The following CAPN11 variants were observed in gnomAD, a reference collection of about 807,000 sequenced individuals.
CAPN11 encodes the protein calpain 11.
In CAPN11, 108 loss-of-function variants were observed where a neutral mutation model predicts 105.3. The observed-to-expected ratio is 1.03, with a 90% CI of 0.88 to 1.20. The LOEUF (loss-of-function observed/expected upper bound fraction) is 1.20, where lower values mean the gene tolerates loss of function less well. Among genes scored for constraint, CAPN11 ranks in the 50% most tolerant of loss-of-function variants. The pLI is 0.00. For missense variants in CAPN11, 883 were observed against 924.8 expected, an observed-to-expected ratio of 0.95 and a Z score of 0.59; for synonymous variants, 329 against 344.5, an observed-to-expected ratio of 0.96 and a Z score of 0.50.
Position 44,177,821 on chromosome 6 carries a change from C to T in CAPN11, c.1416+401C>T, listed in dbSNP as rs1189756070. On this transcript the variant is annotated intron_variant, in intron 12 of 22. Coordinates refer to ENST00000398776, the MANE Select transcript of CAPN11 (RefSeq NM_007058.4). ...CACTCCTTTCTCCCCAGGGCCACTT[C>T]CTGCCTGGGAGAGGGACAGGCTCCA... 2.0e-5 allele frequency among the ~76,000 whole-genome samples: 3 copies of T among 152,094 alleles called. No individual in the cohort carries two copies. The East Asian group carries it at 5.8e-4, about 29-fold the overall frequency.
intron 12 of CAPN11, 79 bp from the exon 13 acceptor site, chr6:44,179,540 C>T: frequency 8.0e-7 from 1 of 1,251,998 alleles, no homozygotes; most frequent in South Asian, 1.2e-5. Flanking sequence ...ACACACTATA[C>T]ACATCCCACT....
At position 44,173,215 on chromosome 6, in the gene CAPN11, C is replaced by A; in HGVS notation, c.663-3C>A. 3.1e-6 allele frequency: 5 copies of A among 1,613,736 alleles called. No individual in the cohort carries two copies. The highest frequency in any genetic ancestry group is 4.2e-6 in the Non-Finnish European group (5 of 1,179,730). ...CCCAACAGTGCCTTCTCTGTGCCCA[C>A]AGGCTGAGTGGGTCCTATGAAGCAT... is the stretch of plus-strand genomic sequence containing the variant. On this transcript the variant is annotated splice_region_variant and splice_polypyrimidine_tract_variant and intron_variant, in intron 6 of 22. Transcript: ENST00000398776.
At chr6:44,176,214 C>CCGGAGGAGAACGTCTCCCTGAA in intron 8 of CAPN11, 39 bp from the exon 9 acceptor site, 2 of 1,606,532 alleles carry the variant, frequency 1.2e-6, no homozygotes, top group Non-Finnish European at 1.7e-6. Context: ...GTCTCCCTGA[C>CCGGAGGAGAACGTCTCCCTGAA]CCCATAACTC....
intron 12 of CAPN11, 85 bp downstream of exon 12, chr6:44,177,505 C>G: frequency 1.6e-6 from 2 of 1,235,168 alleles, no homozygotes; most frequent in Non-Finnish European, 2.2e-6. Context: ...TTTTTTTTTT[C>G]GAGACAGAGT....
intron 8 of CAPN11, 46 bp downstream of exon 8, chr6:44,176,197 G>A: frequency 6.2e-7 from 1 of 1,606,862 alleles, no homozygotes. Context: ...CTGAGAAGGA[G>A]GAGAACGTCT....
Position 44,182,968 on chromosome 6 carries a change from C to A in CAPN11, c.1966C>A (p.His656Asn). 6.2e-7 allele frequency: 1 copy of A among 1,610,982 alleles called. No individual in the cohort carries two copies. The highest frequency in any genetic ancestry group is 8.5e-7 in the Non-Finnish European group (1 of 1,178,446). The change falls in exon 20 of 23, where the codon CAT becomes AAT. Residue 656 changes from histidine to asparagine, a missense_variant. Physicochemically the swap from His to Asn is moderately conservative, Grantham distance 68 (BLOSUM62 1). Transcript: ENST00000398776. ...CATCTTCAGAGAGTGTGACCAGGAC[C>A]ATTCAGGCACCTTGAACTCCTATGA... ...MDIFRECDQDHSGTLNSYEMR... is the reference protein window; with the variant it reads ...MDIFRECDQDNSGTLNSYEMR...
chr6:44,172,558 C>A, intron 5 of CAPN11, 138 bp downstream of exon 5: 2 of 603,406 alleles, frequency 3.3e-6, no homozygotes, highest in Admixed American at 3.2e-5. Context: ...AGAGAAATAT[C>A]TGCCCACCAA....
intron 12 of CAPN11, 55 bp downstream of exon 12, chr6:44,177,475 C>CCTTT (rs374294570): frequency 0.21 from 261,572 of 1,240,104 alleles, 18,397 homozygotes; most frequent in Non-Finnish European, 0.24. Flanking sequence ...TGACCTCACT[C>CCTTT]CTTTCTTTCT....
rs751008058 is a variant in CAPN11 at position 44,176,804 on chromosome 6, G to A, written c.1077-34G>A. On this transcript the variant is annotated intron_variant, in intron 10 of 22. Transcript: ENST00000398776. ...GAGAGGGAACTGAGGATGCAAGTGT[G>A]CTGCTGACGGGCTCCACCCCCACCC... 7 of 1,611,568 alleles carry A rather than the reference G, an allele frequency of 4.3e-6. No homozygotes were observed. The South Asian group carries it at 7.7e-5, about 18-fold the overall frequency.
chr6:44,179,894 G>T (rs535658763), intron 13 of CAPN11, 58 bp from the exon 14 acceptor site: 1 of 1,376,944 alleles, frequency 7.3e-7, no homozygotes, highest in African/African-American at 1.4e-5. Flanking sequence ...CACCCTGGGG[G>T]ACCCTCCCTC....
chr6:44,167,296 C>G (rs566721770), intron 2 of CAPN11, among the ~76,000 whole-genome samples: 1 of 151,526 alleles, frequency 6.6e-6, no homozygotes, highest in Admixed American at 6.6e-5. Context: ...TTCGGGAGTT[C>G]GAGACCAGCC....
chr6:44,161,513 C>T (rs192022182), intron 1 of CAPN11, among the ~76,000 whole-genome samples: 3 of 152,302 alleles, frequency 2.0e-5, no homozygotes, highest in Non-Finnish European at 4.4e-5. Flanking sequence ...AGACATTTTC[C>T]ATGACAACTG....
At position 44,177,273 on chromosome 6, in the gene CAPN11, C is replaced by G; in HGVS notation, c.1269C>G (p.Ile423Met). ...TCTGGACCAACCCCCAGTTTAAGAT[C>G]TCTCTTCCTGAGGGGGATGACCCAG... ...GTFWTNPQFK[I>M]SLPEGDDPED... The change falls in exon 12 of 23, where the codon ATC becomes ATG. Residue 423 changes from isoleucine (I) to methionine (M), a missense_variant. By Grantham distance (10) the Ile-to-Met change is conservative. Transcript: ENST00000398776. 1.9e-6 allele frequency: 3 copies of G among 1,606,186 alleles called. No homozygotes were observed. Among genetic ancestry groups the G allele is most frequent in the Non-Finnish European group, 1.7e-6 (2 of 1,176,352 alleles).
At position 44,172,971 on chromosome 6, in the gene CAPN11, T is replaced by C; in HGVS notation, c.560T>C (p.Val187Ala). 1 of 1,613,232 alleles carries C rather than the reference T, an allele frequency of 6.2e-7. No individual in the cohort carries two copies. The highest frequency in any genetic ancestry group is 8.5e-7 in the Non-Finnish European group (1 of 1,179,608). Residue 187 changes from valine to alanine, a missense_variant, in exon 6 of 23, where the codon GTG (valine) becomes GCG (alanine). Physicochemically the swap from Val to Ala is moderately conservative, Grantham distance 64 (BLOSUM62 0). Transcript: ENST00000398776. ...IWQFGQWVNV[V>A]VDDRLPTKND... Reference sequence around the variant, plus strand: ...CAGTTTGGACAGTGGGTGAACGTGGTGGTAGATGACCGGCTGCCCACAAAG... The same window carrying C: ...CAGTTTGGACAGTGGGTGAACGTGGCGGTAGATGACCGGCTGCCCACAAAG...
Position 44,172,932 on chromosome 6 carries a change from A to C in CAPN11, c.529-8A>C. 1 of 1,612,884 alleles carries C rather than the reference A, an allele frequency of 6.2e-7. No homozygotes were observed. Among genetic ancestry groups the C allele is most frequent in the South Asian group, 1.1e-5 (1 of 90,798 alleles). On this transcript the variant is annotated splice_polypyrimidine_tract_variant and splice_region_variant and intron_variant, in intron 5 of 22. Transcript: ENST00000398776. Reference sequence around the variant, plus strand: ...CCCACGCAAGGGGTGTGTGTTTGCTACCCACAGATTTGGCAGTTTGGACAG... The same window carrying C: ...CCCACGCAAGGGGTGTGTGTTTGCTCCCCACAGATTTGGCAGTTTGGACAG...
chr6:44,177,401 T>C lies in CAPN11; in HGVS notation c.1397T>C (p.Ile466Thr), dbSNP rs528547877. Residue 466 changes from isoleucine to threonine, a missense_variant, in exon 12 of 23, where the codon ATT (isoleucine) becomes ACT (threonine). Physicochemically the swap from Ile to Thr is moderately conservative, Grantham distance 89 (BLOSUM62 -1). Transcript: ENST00000398776. ...CAGCAGGGAGCCCAGCTGCAGACCA[T>C]TGGCTTTGTCCTCTACGCGGTGGGT... ...ARQQGAQLQT[I>T]GFVLYAVPKE... 125 of 1,613,412 alleles carry C rather than the reference T, an allele frequency of 7.7e-5. No homozygotes were observed. The East Asian group carries it at 1.5e-3, about 20-fold the overall frequency.
At position 44,173,207 on chromosome 6, in the gene CAPN11, T is replaced by C. The variant is rs1315979530; in HGVS notation, c.663-11T>C. 1 of 1,613,610 alleles carries C rather than the reference T, an allele frequency of 6.2e-7. No individual in the cohort carries two copies. Among genetic ancestry groups the C allele is most frequent in the South Asian group, 1.1e-5 (1 of 91,066 alleles). ...TCCTAGAGCCCAACAGTGCCTTCTC[T>C]GTGCCCACAGGCTGAGTGGGTCCTA... is the stretch of plus-strand genomic sequence containing the variant. On this transcript the variant is annotated splice_polypyrimidine_tract_variant and intron_variant, in intron 6 of 22. Coordinates refer to ENST00000398776, the MANE Select transcript of CAPN11 (RefSeq NM_007058.4).
In CAPN11 at chr6:44,181,317, G is replaced by A; in HGVS notation, c.1935G>A (p.Trp645Ter). Residue 645 changes from tryptophan (W) to a stop codon, truncating the protein, a stop_gained, in exon 19 of 23, where the codon TGG becomes TGA. Coordinates refer to ENST00000398776, the MANE Select transcript of CAPN11 (RefSeq NM_007058.4). LOFTEE classifies it high-confidence loss of function. Reference sequence around the variant, plus strand: ...TCCTGTGGAAAAAACTCAAGAAATGGATGGTAAAGGGCACTAAAGGGGCAG... The same window carrying A: ...TCCTGTGGAAAAAACTCAAGAAATGAATGGTAAAGGGCACTAAAGGGGCAG... Reference protein sequence around the residue: ...FKILWKKLKKWMDIFRECDQD... With the variant: ...FKILWKKLKK 1 of 1,610,390 alleles carries A rather than the reference G, an allele frequency of 6.2e-7. No individual in the cohort carries two copies. Among genetic ancestry groups the A allele is most frequent in the Non-Finnish European group, 8.5e-7 (1 of 1,178,426 alleles).
At position 44,172,369 on chromosome 6, in the gene CAPN11, G is replaced by C; in HGVS notation, c.477G>C (p.Val159=). The C allele has an allele frequency of 6.4e-7, 1 of 1,562,088 alleles. No homozygotes were observed. The highest frequency in any genetic ancestry group is 8.7e-7 in the Non-Finnish European group (1 of 1,153,286). The change falls in exon 5 of 23, where the codon GTG becomes GTC. Residue 159 remains valine, a synonymous_variant. Coordinates refer to ENST00000398776, the MANE Select transcript of CAPN11 (RefSeq NM_007058.4). ...TTCPKLLYRV[V]PRGQSFKKNY... is the part of the protein sequence containing the mutation. ...GCCCCAAACTGCTATACCGCGTGGT[G>C]CCCAGAGGACAGAGCTTCAAGAAAA...
Sources: gnomAD v4.1 joint callset for allele counts (sites outside exome capture counted in the v4.1 genomes callset) on GRCh38, gnomAD v4.1.1 for gene constraint, MANE v1.5 for transcripts, NCBI Gene and HGNC (gene_info 2026-07-23, HGNC 2026-07-21) for gene names.